Variants in ERC2 observed in about 807,000 individuals in gnomAD.
ERC2 encodes ERC protein 2.
In ERC2, 42 loss-of-function variants were observed where a neutral mutation model predicts 114.8. The observed-to-expected ratio is 0.37, with a 90% CI of 0.29 to 0.47. The LOEUF is 0.47. Ranked by LOEUF, ERC2 falls within the 20% of genes least tolerant of loss-of-function variation. ERC2 has a pLI of 0.99. For synonymous variants in ERC2, 454 were observed against 425.5 expected (o/e 1.07, Z -0.82); for missense variants, 939 against 1,150.7 (o/e 0.82, Z 2.66).
At chr3:55,773,831 T>A (rs563849698) in intron 14 of ERC2, among the ~76,000 whole-genome samples, 1 of 152,338 alleles carries the variant, frequency 6.6e-6, no homozygotes, top group South Asian at 2.1e-4. Context: ...GTAAGTATAT[T>A]TTTTGGTTCA....
rs138288229 is a variant in ERC2, at chr3:55,858,160, G to A, written c.2564+30229C>T. ...CCTCTATTTTAAAAAGGAGACATACGCTACTTAAAGATAAAAACAAGTAAA... is the reference window on the plus strand; with the variant it reads ...CCTCTATTTTAAAAAGGAGACATACACTACTTAAAGATAAAAACAAGTAAA... On this transcript the variant is annotated intron_variant, in intron 14 of 17. Coordinates refer to ENST00000288221, the MANE Select transcript of ERC2 (RefSeq NM_015576.3). 6.6e-5 allele frequency among the ~76,000 whole-genome samples: 10 copies of A among 152,030 alleles called. No individual in the cohort carries two copies. In the East Asian group the frequency reaches 9.6e-4, roughly 15 times the overall value.
chr3:55,683,589 A>G (rs1267080559), intron 17 of ERC2, among the ~76,000 whole-genome samples: 1 of 152,132 alleles, frequency 6.6e-6, no homozygotes, highest in African/African-American at 2.4e-5. Context: ...GCAGAGCAGT[A>G]ATGTGGTTGT....
At chr3:56,183,036 C>T in intron 3 of ERC2, among the ~76,000 whole-genome samples, 1 of 151,890 alleles carries the variant, frequency 6.6e-6, no homozygotes, top group East Asian at 1.9e-4. Flanking sequence ...TAAATAATAA[C>T]CTAAAATATT....
chr3:56,389,720 T>C (rs1359945087), intron 2 of ERC2, among the ~76,000 whole-genome samples: 1 of 152,184 alleles, frequency 6.6e-6, no homozygotes, highest in Non-Finnish European at 1.5e-5. Context: ...TCAACCCATC[T>C]ACCCTTTGAT....
chr3:56,240,692 G>A (rs1418551303), intron 3 of ERC2, among the ~76,000 whole-genome samples: 2 of 152,030 alleles, frequency 1.3e-5, no homozygotes, highest in Non-Finnish European at 2.9e-5. Context: ...TTAAAAATGA[G>A]TCATTTAAAT....
At chr3:55,806,535 G>A (rs566556780) in intron 14 of ERC2, among the ~76,000 whole-genome samples, 11 of 152,088 alleles carry the variant, frequency 7.2e-5, no homozygotes, top group South Asian at 6.2e-4. Flanking sequence ...ATTGAGCCCC[G>A]GGATTCTCAC....
At chr3:55,700,484 C>T (rs972019255) in intron 15 of ERC2, among the ~76,000 whole-genome samples, 3 of 152,202 alleles carry the variant, frequency 2.0e-5, no homozygotes, top group East Asian at 1.9e-4. Flanking sequence ...CCTCTTTCCT[C>T]GGGGTTGCCG....
chr3:55,804,207 C>T (rs2059407713), intron 14 of ERC2, among the ~76,000 whole-genome samples: 1 of 152,148 alleles, frequency 6.6e-6, no homozygotes, highest in African/African-American at 2.4e-5. Context: ...TCCTCTTGGT[C>T]TAGTAAAGTG....
At chr3:55,838,996 A>G (rs1177614473) in intron 14 of ERC2, among the ~76,000 whole-genome samples, 2 of 151,926 alleles carry the variant, frequency 1.3e-5, no homozygotes, top group African/African-American at 4.8e-5. Flanking sequence ...GAACTACAAT[A>G]AACACCAAGC....
At chr3:56,138,230 T>C (rs1258409019) in intron 6 of ERC2, among the ~76,000 whole-genome samples, 1 of 152,006 alleles carries the variant, frequency 6.6e-6, no homozygotes, top group Non-Finnish European at 1.5e-5. Flanking sequence ...CAGCTAATTT[T>C]CTGTATTTTT....
intron 17 of ERC2, among the ~76,000 whole-genome samples, chr3:55,609,983 C>T (rs530752533): frequency 1.3e-5 from 2 of 149,728 alleles, no homozygotes; most frequent in African/African-American, 2.4e-5. Context: ...AGGATCAGGA[C>T]GCCTGCACGC....
intron 15 of ERC2, among the ~76,000 whole-genome samples, chr3:55,726,013 T>A (rs2064891376): frequency 6.6e-6 from 1 of 152,168 alleles, no homozygotes; most frequent in Non-Finnish European, 1.5e-5. Flanking sequence ...AGGCTTTACC[T>A]CCATAAGAAT....
At chr3:56,203,331 C>T (rs890096314) in intron 3 of ERC2, among the ~76,000 whole-genome samples, 3 of 118,136 alleles carry the variant, frequency 2.5e-5, no homozygotes, top group Non-Finnish European at 3.8e-5. Flanking sequence ...TGAAGGAGAC[C>T]GGATTTTTCG....
chr3:55,903,451 A>T (rs753567645), intron 13 of ERC2, among the ~76,000 whole-genome samples: 11 of 152,168 alleles, frequency 7.2e-5, no homozygotes, highest in Non-Finnish European at 1.5e-4. Flanking sequence ...TTCAGCTGGG[A>T]CTTTTTCTTT....
intron 7 of ERC2, among the ~76,000 whole-genome samples, chr3:56,037,583 T>G (rs1202770496): frequency 6.6e-6 from 1 of 152,116 alleles, no homozygotes; most frequent in East Asian, 1.9e-4. Context: ...CTGATTGGGG[T>G]ACCTGAAAGA....
chr3:55,638,236 A>G (rs1313902814), intron 17 of ERC2, among the ~76,000 whole-genome samples: 1 of 152,192 alleles, frequency 6.6e-6, no homozygotes, highest in African/African-American at 2.4e-5. Context: ...CACACATCCC[A>G]ACCTCCTCCA....
At chr3:56,087,792 T>C (rs916539403) in intron 6 of ERC2, among the ~76,000 whole-genome samples, 2 of 152,186 alleles carry the variant, frequency 1.3e-5, no homozygotes, top group Non-Finnish European at 2.9e-5. Flanking sequence ...CATTTGTTTG[T>C]TTTTCCTAAT....
chr3:55,695,793 T>C (rs933470153), intron 16 of ERC2, among the ~76,000 whole-genome samples: 1 of 152,166 alleles, frequency 6.6e-6, no homozygotes, highest in Non-Finnish European at 1.5e-5. Flanking sequence ...CACCTGATAC[T>C]CTGAGAACAA....
chr3:55,961,866 A>G (rs796826081), intron 12 of ERC2, among the ~76,000 whole-genome samples: 1 of 151,178 alleles, frequency 6.6e-6, no homozygotes, highest in African/African-American at 2.4e-5. Flanking sequence ...AAAAAAAAAA[A>G]AAGCCACAAA....
Sources: gnomAD v4.1 joint callset for allele counts (sites outside exome capture counted in the v4.1 genomes callset) on GRCh38, gnomAD v4.1.1 for gene constraint, MANE v1.5 for transcripts, NCBI Gene and HGNC (gene_info 2026-07-23, HGNC 2026-07-21) for gene names.